The following SENP7 variants were observed in gnomAD, a reference collection of about 807,000 sequenced individuals.
SENP7 encodes the protein SUMO specific peptidase 7, also known as sentrin-specific protease 7.
In SENP7, 64 loss-of-function variants were observed where a neutral mutation model predicts 141.2. That is an observed-to-expected ratio of 0.45 (90% CI 0.37 to 0.56). The LOEUF (loss-of-function observed/expected upper bound fraction) is 0.56. Ranked by LOEUF, SENP7 falls within the 20% of genes least tolerant of loss-of-function variation. The pLI, the probability that SENP7 is intolerant of heterozygous loss-of-function variation, is 0.00. For missense variants in SENP7, 1,025 were observed against 1,212.2 expected (o/e 0.85, Z 2.29); for synonymous variants, 382 against 426.4 (o/e 0.90, Z 1.28).
rs118033659 is a variant in SENP7 at position 101,325,562 on chromosome 3, C to A, written c.*381G>T. Reference sequence around the variant, plus strand: ...TCAGCAAATTTGACAAGCACTGGGGCTGGCACCAGGGAGGCTTTAACTCCC... The same window carrying A: ...TCAGCAAATTTGACAAGCACTGGGGATGGCACCAGGGAGGCTTTAACTCCC... On this transcript the variant is annotated 3_prime_UTR_variant, in exon 24 of 24. Coordinates refer to ENST00000394095, the MANE Select transcript of SENP7 (RefSeq NM_020654.5). 1 of 153,404 alleles carries A rather than the reference C, an allele frequency of 6.5e-6. No individual in the cohort carries two copies. Among genetic ancestry groups the A allele is most frequent in the Non-Finnish European group, 1.5e-5 (1 of 68,562 alleles). 9.5% of individuals were successfully genotyped at this position (153,404 alleles called of 1,614,324 possible). A position where few individuals can be genotyped will look rare whatever the true frequency, so the allele number is the denominator to read the frequency against.
At position 101,398,860 on chromosome 3, in the gene SENP7, C is replaced by A; in HGVS notation, c.677+1G>T. The A allele has an allele frequency of 6.4e-7, 1 of 1,569,128 alleles. No homozygotes were observed. The highest frequency in any genetic ancestry group is 8.7e-7 in the Non-Finnish European group (1 of 1,152,732). Reference sequence around the variant, plus strand: ...TTGAGTAAAGTTATCACTAAACATACCTTTCAGATAAATAACAGCTCTTGT... The same window carrying A: ...TTGAGTAAAGTTATCACTAAACATAACTTTCAGATAAATAACAGCTCTTGT... On this transcript the variant is annotated splice_donor_variant, in intron 6 of 23. Transcript: ENST00000394095. LOFTEE classifies it high-confidence loss of function.
intron 3 of SENP7, among the ~76,000 whole-genome samples, chr3:101,470,167 C>T (rs1489534095): frequency 6.6e-6 from 1 of 152,110 alleles, no homozygotes; most frequent in African/African-American, 2.4e-5. Flanking sequence ...ATTAAAAGAA[C>T]TACAGAAGGA....
At chr3:101,493,779 GA>G in intron 3 of SENP7, 93 bp downstream of exon 3, 1 of 706,984 alleles carries the variant, frequency 1.4e-6, no homozygotes. Flanking sequence ...CCAAAAAAGG[GA>G]CATATCAGAA....
intron 13 of SENP7, 113 bp downstream of exon 13, chr3:101,347,759 A>G (rs2107241615): frequency 3.5e-6 from 2 of 568,536 alleles, no homozygotes; most frequent in African/African-American, 2.0e-5. Context: ...TATTTTCACT[A>G]AATAAAATTA....
intron 4 of SENP7, among the ~76,000 whole-genome samples, chr3:101,452,903 G>C (rs1400332175): frequency 6.6e-6 from 1 of 152,122 alleles, no homozygotes; most frequent in African/African-American, 2.4e-5. Context: ...TACAGCAAAA[G>C]AAACTACCAT....
intron 6 of SENP7, among the ~76,000 whole-genome samples, chr3:101,392,781 T>C (rs576817404): frequency 6.6e-6 from 1 of 152,272 alleles, no homozygotes. Flanking sequence ...CTATCTGACT[T>C]CAAAATATAT....
At chr3:101,478,365 T>A (rs1400443549) in intron 3 of SENP7, among the ~76,000 whole-genome samples, 7 of 151,864 alleles carry the variant, frequency 4.6e-5, no homozygotes, top group East Asian at 1.9e-4. Context: ...CAAAAAAAAA[T>A]TTTTAATTAG....
chr3:101,329,377 C>T (rs777940082), intron 20 of SENP7, among the ~76,000 whole-genome samples: 4 of 152,100 alleles, frequency 2.6e-5, no homozygotes, highest in East Asian at 1.9e-4. Flanking sequence ...CCTATTTTGC[C>T]GCCGTGACAG....
chr3:101,365,058 A>C (rs906811828), intron 9 of SENP7, 67 bp from the exon 10 acceptor site: 1 of 1,094,666 alleles, frequency 9.1e-7, no homozygotes, highest in African/African-American at 1.6e-5. Flanking sequence ...TTTGAGACAC[A>C]GTCTCCCCAT....
chr3:101,422,523 C>T (rs2061820857), intron 4 of SENP7, among the ~76,000 whole-genome samples: 1 of 152,098 alleles, frequency 6.6e-6, no homozygotes, highest in Non-Finnish European at 1.5e-5. Flanking sequence ...TAAAAGGCAG[C>T]TAAACAGAGA....
In SENP7 at chr3:101,488,513, A is replaced by G. The variant is rs74845046; in HGVS notation, c.186+5360T>C. Among the ~76,000 whole-genome samples the G allele has an allele frequency of 9.8e-3, 1,491 of 152,328 alleles. 28 individuals carry two copies. Among genetic ancestry groups the G allele is most frequent in the African/African-American group, 0.034 (1,410 of 41,570 alleles). On this transcript the variant is annotated intron_variant, in intron 3 of 23. Coordinates refer to ENST00000394095, the MANE Select transcript of SENP7 (RefSeq NM_020654.5). ...CAAACTGGAAAATACATTTGAGGAT[A>G]TGGTCCACAAAAATTTCCCTAATCA...
In SENP7 at chr3:101,421,297, T is replaced by C. The variant is rs1369847652; in HGVS notation, c.285-3507A>G. ...TAAAGAGACACCGAGAGACGGCAAA[T>C]GTGCCAAAATGTTTAAAGACTACCA... On this transcript the variant is annotated intron_variant, in intron 4 of 23. Coordinates refer to ENST00000394095, the MANE Select transcript of SENP7 (RefSeq NM_020654.5). Among the ~76,000 whole-genome samples the C allele has an allele frequency of 9.3e-5, 14 of 150,714 alleles. No homozygotes were observed. In the Admixed American group the frequency reaches 9.3e-4, roughly 10 times the overall value.
chr3:101,479,442 T>G (rs573135368), intron 3 of SENP7, among the ~76,000 whole-genome samples: 1 of 151,950 alleles, frequency 6.6e-6, no homozygotes, highest in Admixed American at 6.6e-5. Flanking sequence ...GCAAAACAAT[T>G]TTAAACAATA....
At chr3:101,470,378 A>G (rs1355291570) in intron 3 of SENP7, among the ~76,000 whole-genome samples, 2 of 152,236 alleles carry the variant, frequency 1.3e-5, no homozygotes, top group African/African-American at 4.8e-5. Flanking sequence ...GTAATGCATC[A>G]CGTAAACAGA....
chr3:101,429,873 T>TAG (rs1299980314), intron 4 of SENP7, among the ~76,000 whole-genome samples: 1 of 152,228 alleles, frequency 6.6e-6, no homozygotes, highest in Middle Eastern at 3.2e-3. Flanking sequence ...CATCGATACC[T>TAG]AGTTTACTGA....
intron 5 of SENP7, among the ~76,000 whole-genome samples, chr3:101,408,422 T>G (rs1450522416): frequency 6.6e-6 from 1 of 152,108 alleles, no homozygotes; most frequent in African/African-American, 2.4e-5. Flanking sequence ...GAACCTTCCC[T>G]AAACCATCCC....
rs114433440 is a variant in SENP7, at chr3:101,461,871, T to A, written c.187-2819A>T. Among the ~76,000 whole-genome samples the A allele has an allele frequency of 3.6e-3, 549 of 152,328 alleles. 5 individuals are homozygous for A. Among genetic ancestry groups the A allele is most frequent in the African/African-American group, 0.013 (528 of 41,580 alleles). ...CACATACTATAACATGGATGAACTT[T>A]GAAAGCATTTGTGCTAAGTGAAAGA... On this transcript the variant is annotated intron_variant, in intron 3 of 23. Transcript: ENST00000394095.
intron 3 of SENP7, among the ~76,000 whole-genome samples, chr3:101,488,089 G>A (rs562537198): frequency 9.7e-4 from 148 of 152,204 alleles, no homozygotes; most frequent in East Asian, 2.1e-3. Context: ...TCCAATCCAC[G>A]CGCATGGATT....
intron 17 of SENP7, among the ~76,000 whole-genome samples, chr3:101,333,908 G>A (rs2059118904): frequency 6.6e-6 from 1 of 152,126 alleles, no homozygotes; most frequent in South Asian, 2.1e-4. Flanking sequence ...ATTTTTCCAG[G>A]GACAAGGTTA....
Sources: allele counts gnomAD v4.1 joint callset (sites outside exome capture counted in the v4.1 genomes callset), GRCh38; gene constraint gnomAD v4.1.1; transcripts MANE v1.5; gene names NCBI Gene and HGNC (gene_info 2026-07-23, HGNC 2026-07-21).